The following YAP1 variants were observed in gnomAD, a reference collection of about 807,000 sequenced individuals.
The protein encoded by YAP1 is Yes1 associated transcriptional regulator.
In YAP1, 5 loss-of-function variants were observed where a neutral mutation model predicts 56.9. The ratio of observed to expected loss-of-function variants is 0.09; its 90% CI spans 0.05 to 0.18. The LOEUF (loss-of-function observed/expected upper bound fraction) is 0.18. Among genes scored for constraint, YAP1 ranks in the 10% least tolerant of loss-of-function variants. The pLI, the probability that YAP1 is intolerant of heterozygous loss-of-function variation, is 1.00. For synonymous variants in YAP1, 265 were observed against 248.1 expected (o/e 1.07, Z -0.64); for missense variants, 539 against 651.8 (o/e 0.83, Z 1.88).
intron 3 of YAP1, among the ~76,000 whole-genome samples, chr11:102,176,745 C>CAAAAA (rs57082707): frequency 0.013 from 602 of 45,492 alleles, 66 homozygotes; most frequent in East Asian, 0.019. Context: ...GACTCCGTCT[C>CAAAAA]AAAAAAAAAA....
chr11:102,219,198 T>C (rs535936531), intron 6 of YAP1, among the ~76,000 whole-genome samples: 15 of 152,370 alleles, frequency 9.8e-5, no homozygotes, highest in African/African-American at 3.6e-4. Flanking sequence ...GAGTCTATAA[T>C]TTTATTCATT....
chr11:102,229,798 T>G lies in YAP1; in HGVS notation c.1373T>G (p.Leu458Arg). The G allele has an allele frequency of 2.5e-6, 4 of 1,614,096 alleles. No individual in the cohort carries two copies. Among genetic ancestry groups the G allele is most frequent in the Non-Finnish European group, 2.5e-6 (3 of 1,179,992 alleles). ...IPGTNVDLGT[L>R]EGDGMNIEGE... is the part of the protein sequence containing the mutation. ...GGGACAAATGTGGACCTTGGAACACTGGAAGGAGATGGAATGAACATAGAA... is the reference window on the plus strand; with the variant it reads ...GGGACAAATGTGGACCTTGGAACACGGGAAGGAGATGGAATGAACATAGAA... The change falls in exon 9 of 9, where the codon CTG (leucine) becomes CGG (arginine). Residue 458 changes from leucine to arginine, a missense_variant. Leu to Arg is a moderately radical substitution (Grantham distance 102, BLOSUM62 -2). Transcript: ENST00000282441.
In YAP1 at chr11:102,162,627, G is replaced by A. The variant is rs1946358123; in HGVS notation, c.688+56G>A. On this transcript the variant is annotated intron_variant, in intron 3 of 8. Transcript: ENST00000282441. ...GAGTAATGCTTACGCATTGGTAAAA[G>A]TTGATGTGGAAAATAGTCATTACTC... 6 of 1,536,134 alleles carry A rather than the reference G, an allele frequency of 3.9e-6. No individual in the cohort carries two copies. The Admixed American group carries it at 1.0e-4, about 26-fold the overall frequency.
intron 2 of YAP1, among the ~76,000 whole-genome samples, chr11:102,119,019 C>A (rs1365459062): frequency 2.6e-5 from 4 of 151,886 alleles, no homozygotes; most frequent in African/African-American, 7.3e-5. Context: ...AAACAAAAAA[C>A]CAGTTCAAAT....
intron 2 of YAP1, among the ~76,000 whole-genome samples, chr11:102,124,804 C>T (rs553949063): frequency 6.6e-6 from 1 of 152,240 alleles, no homozygotes; most frequent in East Asian, 1.9e-4. Flanking sequence ...GGCGCCATCT[C>T]AGCTTACTGC....
chr11:102,126,740 G>A (rs1015516775), intron 2 of YAP1, among the ~76,000 whole-genome samples: 2 of 152,220 alleles, frequency 1.3e-5, no homozygotes, highest in Non-Finnish European at 2.9e-5. Context: ...GGGTAACAGA[G>A]GTTGGAACAG....
intron 3 of YAP1, among the ~76,000 whole-genome samples, chr11:102,168,565 C>T (rs10895269): frequency 0.46 from 70,411 of 152,014 alleles, 17,734 homozygotes; most frequent in Middle Eastern, 0.58. Context: ...TCAGATTTCT[C>T]TATTATGAAA....
At chr11:102,156,896 C>T (rs999936795) in intron 2 of YAP1, among the ~76,000 whole-genome samples, 3 of 152,144 alleles carry the variant, frequency 2.0e-5, no homozygotes, top group African/African-American at 4.8e-5. Context: ...ATAAACATGT[C>T]AGCATGTCAC....
At chr11:102,137,848 G>A (rs1475515867) in intron 2 of YAP1, among the ~76,000 whole-genome samples, 3 of 150,098 alleles carry the variant, frequency 2.0e-5, no homozygotes, top group African/African-American at 7.4e-5. Flanking sequence ...ATAATTAACT[G>A]ATTTTTGGAG....
intron 4 of YAP1, among the ~76,000 whole-genome samples, chr11:102,201,407 G>A (rs1452314779): frequency 6.6e-6 from 1 of 152,162 alleles, no homozygotes; most frequent in Non-Finnish European, 1.5e-5. Flanking sequence ...GTTACCTATT[G>A]GAGGTAGGAG....
chr11:102,221,222 A>C (rs1949912282), intron 6 of YAP1, among the ~76,000 whole-genome samples: 1 of 152,208 alleles, frequency 6.6e-6, no homozygotes, highest in African/African-American at 2.4e-5. Context: ...GAGATCAGTA[A>C]ATTTGAGTAC....
chr11:102,206,502 A>G (rs898641573), intron 5 of YAP1, among the ~76,000 whole-genome samples: 1 of 152,220 alleles, frequency 6.6e-6, no homozygotes, highest in Non-Finnish European at 1.5e-5. Context: ...TCAAATGACA[A>G]ATATACTTCG....
intron 4 of YAP1, among the ~76,000 whole-genome samples, chr11:102,190,358 C>A (rs186878801): frequency 1.3e-5 from 2 of 152,258 alleles, no homozygotes; most frequent in Admixed American, 6.5e-5. Flanking sequence ...TGGCCAGGTG[C>A]GGTGGCTCAT....
At chr11:102,175,243 T>TA (rs1219666434) in intron 3 of YAP1, among the ~76,000 whole-genome samples, 1 of 152,024 alleles carries the variant, frequency 6.6e-6, no homozygotes, top group African/African-American at 2.4e-5. Flanking sequence ...CTACTAAAAA[T>TA]ACAAAAATTA....
At chr11:102,212,829 C>T (rs996127692) in intron 6 of YAP1, among the ~76,000 whole-genome samples, 1 of 152,212 alleles carries the variant, frequency 6.6e-6, no homozygotes, top group Non-Finnish European at 1.5e-5. Flanking sequence ...GATCTGCCCA[C>T]CTCGTCCTCC....
At chr11:102,115,017 A>G (rs1474542502) in intron 2 of YAP1, among the ~76,000 whole-genome samples, 1 of 152,226 alleles carries the variant, frequency 6.6e-6, no homozygotes, top group African/African-American at 2.4e-5. Context: ...AGGTCTTCAC[A>G]ACAGAAACCC....
intron 3 of YAP1, among the ~76,000 whole-genome samples, chr11:102,165,023 G>A (rs778118747): frequency 2.0e-5 from 3 of 152,006 alleles, no homozygotes; most frequent in Non-Finnish European, 2.9e-5. Context: ...ATGTCCAGCC[G>A]GTTTTAGTGG....
At chr11:102,126,448 T>A (rs1199384922) in intron 2 of YAP1, among the ~76,000 whole-genome samples, 1 of 152,212 alleles carries the variant, frequency 6.6e-6, no homozygotes, top group Non-Finnish European at 1.5e-5. Flanking sequence ...TGATAGTGAA[T>A]AAGTCTCATG....
rs1485866368 is a variant in YAP1 at position 102,209,522 on chromosome 11, G to A, written c.990G>A (p.Met330Ile). 2 of 1,605,858 alleles carry A rather than the reference G, an allele frequency of 1.2e-6. No individual in the cohort carries two copies. The highest frequency in any genetic ancestry group is 2.2e-5 in the South Asian group (2 of 89,524). Residue 330 changes from methionine (M) to isoleucine (I), a missense_variant, in exon 6 of 9, where the codon ATG becomes ATA. By Grantham distance (10) the Met-to-Ile change is conservative. Coordinates refer to ENST00000282441, the MANE Select transcript of YAP1 (RefSeq NM_001130145.3). ...LKQQELLRQAMRNINPSTANS... is the reference protein window; with the variant it reads ...LKQQELLRQAIRNINPSTANS... ...GTCTTATTTTTTACTCTTAGGCAAT[G>A]CGGAATATCAATCCCAGCACAGCAA...
Sources: allele counts gnomAD v4.1 joint callset (sites outside exome capture counted in the v4.1 genomes callset), GRCh38; gene constraint gnomAD v4.1.1; transcripts MANE v1.5; gene names NCBI Gene and HGNC (gene_info 2026-07-23, HGNC 2026-07-21).